Variants in STAB1 observed in about 807,000 individuals in gnomAD.
The protein encoded by STAB1 is stabilin-1.
In STAB1, 250 loss-of-function variants were observed where a neutral mutation model predicts 332.4. The ratio of observed to expected loss-of-function variants is 0.75; its 90% CI spans 0.68 to 0.84. The LOEUF (loss-of-function observed/expected upper bound fraction) is 0.84, where lower values mean the gene tolerates loss of function less well. Among genes scored for constraint, STAB1 ranks in the 40% least tolerant of loss-of-function variants. The pLI is 0.00. For synonymous variants in STAB1, 1,475 were observed against 1,390.4 expected (o/e 1.06, Z -1.35); for missense variants, 3,249 against 3,489.7 (o/e 0.93, Z 1.74).
chr3:52,521,482 T>G lies in STAB1; in HGVS notation c.6030T>G (p.Ala2010=). ...CTGGGACAGCCTGTGAACTCTGTGCTCCTGGTGCCTTTGGGCCCCATTGTC... is the reference window on the plus strand; with the variant it reads ...CTGGGACAGCCTGTGAACTCTGTGCGCCTGGTGCCTTTGGGCCCCATTGTC... ...GFAGTACELC[A]PGAFGPHCQA... is the part of the protein sequence containing the mutation. The change falls in exon 56 of 69, where the codon GCT becomes GCG. Residue 2010 remains alanine, a synonymous_variant. Coordinates refer to ENST00000321725, the MANE Select transcript of STAB1 (RefSeq NM_015136.3). The G allele has an allele frequency of 6.2e-7, 1 of 1,614,016 alleles. No homozygotes were observed. The highest frequency in any genetic ancestry group is 1.6e-4 in the Middle Eastern group (1 of 6,062).
At chr3:52,505,535 C>A in intron 14 of STAB1, 133 bp from the exon 15 acceptor site, 1 of 1,185,652 alleles carries the variant, frequency 8.4e-7, no homozygotes, top group South Asian at 1.5e-5. Flanking sequence ...TCTGTGGTAG[C>A]ATGGACCCAT....
rs1365065046 is a variant in STAB1, at chr3:52,523,646, C to T, written c.7291-6C>T. ...CACAGTGGGCCTGACTCTGGTCTCC[C>T]TGCAGGCCCCAGGGACAGTTGTGGT... On this transcript the variant is annotated splice_polypyrimidine_tract_variant and splice_region_variant and intron_variant, in intron 65 of 68. Transcript: ENST00000321725. 2 of 1,612,938 alleles carry T rather than the reference C, an allele frequency of 1.2e-6. No homozygotes were observed. The highest frequency in any genetic ancestry group is 2.2e-5 in the South Asian group (2 of 91,088).
Position 52,505,336 on chromosome 3 carries a change from C to G in STAB1, c.1536C>G (p.Ile512Met), listed in dbSNP as rs761141224. Residue 512 changes from isoleucine (I) to methionine (M), a missense_variant, in exon 14 of 69, where the codon ATC becomes ATG. By Grantham distance (10) the Ile-to-Met change is conservative. Transcript: ENST00000321725. ...CCTTACAGAGAACTATCGGACAGATCCTCGCCTCTACCGAGGCCTTCAGCC... is the reference window on the plus strand; with the variant it reads ...CCTTACAGAGAACTATCGGACAGATGCTCGCCTCTACCGAGGCCTTCAGCC... ...PGDPKRTIGQ[I>M]LASTEAFSRF... 3 of 1,613,666 alleles carry G rather than the reference C, an allele frequency of 1.9e-6. No homozygotes were observed. Among genetic ancestry groups the G allele is most frequent in the Non-Finnish European group, 1.7e-6 (2 of 1,179,928 alleles).
chr3:52,514,192 C>A lies in STAB1; in HGVS notation c.3525C>A (p.Ala1175=). Residue 1175 remains alanine, a synonymous_variant, in exon 33 of 69, where the codon GCC becomes GCA. Coordinates refer to ENST00000321725, the MANE Select transcript of STAB1 (RefSeq NM_015136.3). Reference sequence around the variant, plus strand: ...TGCCCACCAACCGCTCCCTGGAGGCCCAGGGCAACAGCAGTCACCTGGTGA... The same window carrying A: ...TGCCCACCAACCGCTCCCTGGAGGCACAGGGCAACAGCAGTCACCTGGTGA... ...IFVPTNRSLE[A]QGNSSHLDAD... The A allele has an allele frequency of 6.2e-7, 1 of 1,613,244 alleles. No homozygotes were observed. The highest frequency in any genetic ancestry group is 2.2e-5 in the East Asian group (1 of 44,884).
intron 58 of STAB1, 33 bp from the exon 59 acceptor site, chr3:52,522,004 C>T (rs758059236): frequency 1.1e-4 from 175 of 1,610,872 alleles, no homozygotes; most frequent in Non-Finnish European, 1.4e-4. Context: ...CCCCTGCAGT[C>T]ACTAGGTCCA....
At position 52,517,004 on chromosome 3, in the gene STAB1, G is replaced by T; in HGVS notation, c.4384G>T (p.Gly1462Cys). 6.2e-7 allele frequency: 1 copy of T among 1,609,818 alleles called. No individual in the cohort carries two copies. The highest frequency in any genetic ancestry group is 2.2e-5 in the East Asian group (1 of 44,868). Residue 1462 changes from glycine (G) to cysteine (C), a missense_variant, in exon 42 of 69, where the codon GGC (glycine) becomes TGC (cysteine). Gly to Cys is a radical substitution (Grantham distance 159, BLOSUM62 -3). Transcript: ENST00000321725. The stretch of plus-strand genomic sequence containing the variant: ...CTTAGAGGTGGACCCCTGCGCCCAC[G>T]GCCATGGGGGCTGCTCCCCTCATGC... The part of the protein sequence containing the change: ...FCSEVDPCAH[G>C]HGGCSPHANC...
rs1393652556 is a variant in STAB1 at position 52,518,532 on chromosome 3, G to A, written c.4810-4G>A. ...TCCACTCATGCTGTTGCTGCCTCCC[G>A]CAGGAATATAAGGAGCTCAAGGGCG... On this transcript the variant is annotated splice_polypyrimidine_tract_variant and splice_region_variant and intron_variant, in intron 46 of 68. Transcript: ENST00000321725. 2.5e-6 allele frequency: 4 copies of A among 1,582,318 alleles called. No individual in the cohort carries two copies. The highest frequency in any genetic ancestry group is 1.1e-5 in the South Asian group (1 of 87,362).
intron 26 of STAB1, 47 bp from the exon 27 acceptor site, chr3:52,512,294 G>C: frequency 6.3e-7 from 1 of 1,575,692 alleles, no homozygotes. Flanking sequence ...GAGGGGCCCA[G>C]CTGCCATCTG....
In STAB1 at chr3:52,503,762, C is replaced by T. The variant is rs201930345; in HGVS notation, c.892-10C>T. On this transcript the variant is annotated splice_polypyrimidine_tract_variant and intron_variant, in intron 8 of 68. Transcript: ENST00000321725. The stretch of plus-strand genomic sequence containing the variant: ...ACGTGGTGTTCCCCTCCTGCCCTGT[C>T]GGGGGCCAGGCCTTCTGCACCTGCC... 113 of 1,612,842 alleles carry T rather than the reference C, an allele frequency of 7.0e-5. No individual in the cohort carries two copies. The East Asian group carries it at 8.9e-4, about 13-fold the overall frequency.
rs1224678357 is a variant in STAB1 at position 52,520,651 on chromosome 3, A to T, written c.5659A>T (p.Ser1887Cys). ...CCTCCCTCCCTTCCAGAACACCTGC[A>T]GCATCTGTGGGCTGGAGCCACCCTG... ...ETRPLRLNTCSICGLEPPCPE... is the reference protein window; with the variant it reads ...ETRPLRLNTCCICGLEPPCPE... Residue 1887 changes from serine to cysteine, a missense_variant, in exon 54 of 69, where the codon AGC (serine) becomes TGC (cysteine). Coordinates refer to ENST00000321725, the MANE Select transcript of STAB1 (RefSeq NM_015136.3). 6.2e-7 allele frequency: 1 copy of T among 1,610,084 alleles called. No individual in the cohort carries two copies. Among genetic ancestry groups the T allele is most frequent in the Non-Finnish European group, 8.5e-7 (1 of 1,179,452 alleles).
intron 5 of STAB1, 107 bp downstream of exon 5, chr3:52,502,335 C>A: frequency 1.6e-6 from 2 of 1,275,972 alleles, no homozygotes; most frequent in Non-Finnish European, 1.1e-6. Flanking sequence ...TCTGTCCCAG[C>A]CCCTCAGATT....
chr3:52,522,076 A>C lies in STAB1; in HGVS notation c.6311A>C (p.Glu2104Ala), dbSNP rs1353891050. ...LCQDGHGGCS[E>A]HANCSQVGTM... The stretch of plus-strand genomic sequence containing the variant: ...CAGGACGGGCATGGTGGCTGCAGTG[A>C]GCACGCCAACTGTAGCCAGGTAGGA... The change falls in exon 59 of 69, where the codon GAG becomes GCG. Residue 2104 changes from glutamate (E) to alanine (A), a missense_variant. By Grantham distance (107) the Glu-to-Ala change is moderately radical (BLOSUM62 -1). Transcript: ENST00000321725. 1.1e-5 allele frequency: 17 copies of C among 1,613,188 alleles called. No homozygotes were observed. The highest frequency in any genetic ancestry group is 1.4e-5 in the Non-Finnish European group (16 of 1,180,012).
chr3:52,514,039 C>T, intron 32 of STAB1, 58 bp downstream of exon 32: 1 of 1,597,110 alleles, frequency 6.3e-7, no homozygotes, highest in Admixed American at 1.7e-5. Flanking sequence ...GCCCCAGGTC[C>T]AGAGGGACCT....
At chr3:52,496,452 A>G (rs1199856114) in intron 1 of STAB1, among the ~76,000 whole-genome samples, 1 of 152,238 alleles carries the variant, frequency 6.6e-6, no homozygotes, top group African/African-American at 2.4e-5. Flanking sequence ...CAGTCCAGCC[A>G]GGGGCCTAGG....
At chr3:52,504,674 G>A in intron 11 of STAB1, 65 bp from the exon 12 acceptor site, 7 of 1,612,738 alleles carry the variant, frequency 4.3e-6, no homozygotes, top group Non-Finnish European at 5.9e-6. Flanking sequence ...CTCCATTGCT[G>A]GGTAGAGGTG....
rs1448005880 is a variant in STAB1 at position 52,522,786 on chromosome 3, C to A, written c.6756C>A (p.His2252Gln). ...QLSAAQQLGF[H>Q]LCLMGWLANG... ...TCCTGTTCCTACAGCTGGGCTTCCA[C>A]CTGTGCCTCATGGGCTGGCTGGCCA... is the stretch of plus-strand genomic sequence containing the variant. Residue 2252 changes from histidine (H) to glutamine (Q), a missense_variant, in exon 62 of 69, where the codon CAC becomes CAA. Physicochemically the swap from His to Gln is conservative, Grantham distance 24. Coordinates refer to ENST00000321725, the MANE Select transcript of STAB1 (RefSeq NM_015136.3). The A allele has an allele frequency of 1.2e-6, 2 of 1,613,190 alleles. No individual in the cohort carries two copies. Among genetic ancestry groups the A allele is most frequent in the African/African-American group, 1.3e-5 (1 of 75,044 alleles).
In STAB1 at chr3:52,495,410, A is replaced by G. The variant is rs754273561; in HGVS notation, c.-4A>G. The G allele has an allele frequency of 3.0e-6, 4 of 1,340,746 alleles. No individual in the cohort carries two copies. The highest frequency in any genetic ancestry group is 2.9e-6 in the Non-Finnish European group (3 of 1,038,562). 83.1% of individuals were successfully genotyped at this position (1,340,746 alleles called of 1,614,324 possible). On this transcript the variant is annotated 5_prime_UTR_variant, in exon 1 of 69. Coordinates refer to ENST00000321725, the MANE Select transcript of STAB1 (RefSeq NM_015136.3). ...CTCTGTCCTGGACAGCGTGCCCACC[A>G]GCCATGGCGGGGCCCCGGGGCCTCC...
chr3:52,503,878 A>G lies in STAB1; in HGVS notation c.998A>G (p.Gln333Arg). The G allele has an allele frequency of 6.2e-7, 1 of 1,613,090 alleles. No homozygotes were observed. Among genetic ancestry groups the G allele is most frequent in the African/African-American group, 1.3e-5 (1 of 75,022 alleles). ...TCCTGCGACCGGTCTGCCACTTGCC[A>G]GGTGACCGCTGATGGGAAGACCAGG... The part of the protein sequence containing the change: ...PFSCDRSATC[Q>R]VTADGKTSCV... Residue 333 changes from glutamine to arginine, a missense_variant, in exon 9 of 69, where the codon CAG becomes CGG. Gln to Arg is a conservative substitution (Grantham distance 43). Coordinates refer to ENST00000321725, the MANE Select transcript of STAB1 (RefSeq NM_015136.3).
chr3:52,501,963 G>C lies in STAB1; in HGVS notation c.332-43G>C, dbSNP rs372100421. 8.1e-5 allele frequency: 130 copies of C among 1,606,714 alleles called. 1 individual carries two copies. Among genetic ancestry groups the C allele is most frequent in the Non-Finnish European group, 1.1e-4 (130 of 1,176,814 alleles). ...CAGAGCTGCTGGGGTCAGGGTAAGC[G>C]GAGGGTTCTGGGCACAGAGCTGAGT... is the stretch of plus-strand genomic sequence containing the variant. On this transcript the variant is annotated intron_variant, in intron 3 of 68. Transcript: ENST00000321725.
Sources: gnomAD v4.1 joint callset for allele counts (sites outside exome capture counted in the v4.1 genomes callset) on GRCh38, gnomAD v4.1.1 for gene constraint, MANE v1.5 for transcripts, NCBI Gene and HGNC (gene_info 2026-07-23, HGNC 2026-07-21) for gene names.